TRIM49: variants seen among roughly 807,000 people sequenced by gnomAD.
TRIM49 encodes tripartite motif-containing protein 49.
Under a neutral mutation model 27.4 loss-of-function variants are expected in TRIM49, and 5 were observed. The observed-to-expected ratio is 0.18, with a 90% CI of 0.10 to 0.38. TRIM49 has a LOEUF of 0.38. TRIM49 is among the 10% of genes least tolerant of loss of function. The pLI, the probability that TRIM49 is intolerant of heterozygous loss-of-function variation, is 1.00. For missense variants in TRIM49, 188 were observed against 487.5 expected (o/e 0.39, Z 5.79); for synonymous variants, 69 against 166.0 (o/e 0.42, Z 4.49).
the TRIM49 span, chr11:89,785,874 T>C: frequency 6.9e-6 from 1 of 144,386 alleles, no homozygotes; most frequent in Non-Finnish European, 1.5e-5. Flanking sequence ...GTCTCAGTAG[T>C]GAGAGGCAGG....
At chr11:89,770,572 A>G in the TRIM49 span, among the ~76,000 whole-genome samples, 1 of 142,410 alleles carries the variant, frequency 7.0e-6, no homozygotes, top group Non-Finnish European at 1.5e-5. Flanking sequence ...TAAAAATTCA[A>G]TTTTGGGCCA....
rs1266829640 is a variant in TRIM49 at position 89,804,304 on chromosome 11, T to C, written c.166A>G (p.Thr56Ala). 1.9e-6 allele frequency: 3 copies of C among 1,612,078 alleles called. No homozygotes were observed. Among genetic ancestry groups the C allele is most frequent in the South Asian group, 1.1e-5 (1 of 90,936 alleles). The change falls in exon 3 of 8, where the codon ACA becomes GCA. Residue 56 changes from threonine to alanine, a missense_variant. Physicochemically the swap from Thr to Ala is moderately conservative, Grantham distance 58 (BLOSUM62 0). Coordinates refer to ENST00000329758, the MANE Select transcript of TRIM49 (RefSeq NM_020358.2). ...AGGTTTATCTGCTCGGTTGACTTTG[T>C]GCATTCAGAGCACTGGACAAGAAAT... ...IPFLVQCSECTKSTEQINLKT... is the reference protein window; with the variant it reads ...IPFLVQCSECAKSTEQINLKT...
At chr11:89,766,726 C>G in the TRIM49 span, 103 of 1,534,502 alleles carry the variant, frequency 6.7e-5, 12 homozygotes, top group Non-Finnish European at 7.9e-6. Context: ...AACACACCAA[C>G]TCGGCCCAGA....
chr11:89,769,586 C>G, the TRIM49 span, among the ~76,000 whole-genome samples: 1 of 130,200 alleles, frequency 7.7e-6, no homozygotes, highest in Non-Finnish European at 1.5e-5. Flanking sequence ...GGCCCAGCAA[C>G]AGTCTGAGCT....
chr11:89,777,553 A>G, the TRIM49 span, among the ~76,000 whole-genome samples: 1 of 145,574 alleles, frequency 6.9e-6, no homozygotes, highest in Non-Finnish European at 1.5e-5. Flanking sequence ...CTAATTTGGC[A>G]CTCTAATCAT....
chr11:89,778,180 AG>A, the TRIM49 span, among the ~76,000 whole-genome samples: 1 of 151,942 alleles, frequency 6.6e-6, no homozygotes, highest in Non-Finnish European at 1.5e-5. Flanking sequence ...AGCCCACACA[AG>A]CTAGCCAAAT....
In TRIM49 at chr11:89,803,568, T is replaced by A. The variant is rs1210683705; in HGVS notation, c.507+130A>T. The stretch of plus-strand genomic sequence containing the variant: ...TAAAAATGAGGCCACTTTTTCTCAG[T>A]GTTTTCTCTCGCCTTTTTTTTTTTA... On this transcript the variant is annotated intron_variant, in intron 4 of 7. Transcript: ENST00000329758. 51 of 1,526,996 alleles carry A rather than the reference T, an allele frequency of 3.3e-5. No individual in the cohort carries two copies. In the Admixed American group the frequency reaches 1.1e-3, roughly 32 times the overall value. 94.6% of individuals were successfully genotyped at this position (1,526,996 alleles called of 1,614,324 possible). A position where few individuals can be genotyped will look rare whatever the true frequency, so the allele number is the denominator to read the frequency against.
the TRIM49 span, among the ~76,000 whole-genome samples, chr11:89,769,255 T>G: frequency 3.0e-5 from 4 of 132,334 alleles, no homozygotes; most frequent in East Asian, 8.5e-4. Flanking sequence ...TTGAAAACTT[T>G]AGAATTACCA....
chr11:89,781,996 A>G, the TRIM49 span: 5 of 1,528,804 alleles, frequency 3.3e-6, no homozygotes, highest in Non-Finnish European at 4.4e-6. Context: ...ATCCCCAGGG[A>G]GTGGACAGCT....
chr11:89,770,595 C>T, the TRIM49 span, among the ~76,000 whole-genome samples: 1 of 142,364 alleles, frequency 7.0e-6, no homozygotes, highest in Non-Finnish European at 1.5e-5. Flanking sequence ...CACGGTGGCT[C>T]ACGCCTGTAA....
intron 1 of TRIM49, 44 bp downstream of exon 1, chr11:89,808,393 T>C (rs1286132689): frequency 6.7e-6 from 1 of 149,796 alleles, no homozygotes; most frequent in Non-Finnish European, 1.5e-5. Flanking sequence ...ATATGTATAG[T>C]TAGGGAGATT....
chr11:89,808,531 T>C lies in TRIM49; in HGVS notation c.-285A>G, dbSNP rs1404660593. On this transcript the variant is annotated 5_prime_UTR_variant, in exon 1 of 8. Coordinates refer to ENST00000329758, the MANE Select transcript of TRIM49 (RefSeq NM_020358.2). Reference sequence around the variant, plus strand: ...CTGGCTGGATCCCAGTGGTCATGAATCAAAGCTTTGGTTTAAAGTCAATAG... The same window carrying C: ...CTGGCTGGATCCCAGTGGTCATGAACCAAAGCTTTGGTTTAAAGTCAATAG... 6.6e-6 allele frequency: 1 copy of C among 151,308 alleles called. No homozygotes were observed. The highest frequency in any genetic ancestry group is 2.5e-5 in the African/African-American group (1 of 40,650). 9.4% of individuals were successfully genotyped at this position (151,308 alleles called of 1,614,324 possible).
chr11:89,791,672 C>A, the TRIM49 span, among the ~76,000 whole-genome samples: 4 of 151,818 alleles, frequency 2.6e-5, no homozygotes, highest in African/African-American at 7.3e-5. Context: ...GAAATAAACT[C>A]CTGTATAGAC....
downstream of TRIM49, among the ~76,000 whole-genome samples, chr11:89,793,081 G>A (rs1277441306): frequency 6.6e-6 from 1 of 152,154 alleles, no homozygotes; most frequent in Non-Finnish European, 1.5e-5. Context: ...CGATCCCACA[G>A]AAATACAAAC....
the TRIM49 span, among the ~76,000 whole-genome samples, chr11:89,783,721 T>C: frequency 1.2e-4 from 18 of 146,864 alleles, 1 homozygote; most frequent in East Asian, 4.0e-4. Context: ...ATCCAGATGA[T>C]AGAGAATGGA....
At chr11:89,773,147 T>A in the TRIM49 span, among the ~76,000 whole-genome samples, 1 of 136,180 alleles carries the variant, frequency 7.3e-6, no homozygotes. Flanking sequence ...GCTGAGATCA[T>A]GCCATTGCAC....
At chr11:89,787,384 T>C in the TRIM49 span, 1 of 289,572 alleles carries the variant, frequency 3.5e-6, no homozygotes, top group African/African-American at 2.8e-5. Flanking sequence ...CAGGAAATTC[T>C]GGCGGCGCGG....
At chr11:89,808,165 C>T (rs553354439) in intron 1 of TRIM49, among the ~76,000 whole-genome samples, 1 of 147,212 alleles carries the variant, frequency 6.8e-6, no homozygotes, top group South Asian at 2.2e-4. Context: ...TAGAGATGGA[C>T]TATATTTTTC....
At chr11:89,790,374 T>G in the TRIM49 span, among the ~76,000 whole-genome samples, 8 of 148,022 alleles carry the variant, frequency 5.4e-5, no homozygotes, top group African/African-American at 2.0e-4. Flanking sequence ...GCTGCAGACT[T>G]AAATGTCCCT....
Sources: allele counts gnomAD v4.1 joint callset (sites outside exome capture counted in the v4.1 genomes callset), GRCh38; gene constraint gnomAD v4.1.1; transcripts MANE v1.5; gene names NCBI Gene and HGNC (gene_info 2026-07-23, HGNC 2026-07-21).